Variants in GALNT14 observed in about 807,000 individuals in gnomAD.
GALNT14 encodes UDP-GalNAc:polypeptide N-acetylgalactosaminyltransferase 14.
GALNT14 carries 60 observed loss-of-function variants against 77.5 expected under a neutral mutation model. The ratio of observed to expected loss-of-function variants is 0.77; its 90% CI spans 0.63 to 0.96. The LOEUF (loss-of-function observed/expected upper bound fraction) is 0.96. Among genes scored for constraint, GALNT14 ranks in the 40% least tolerant of loss-of-function variants. The pLI is 0.00. For synonymous variants in GALNT14, 280 were observed against 281.7 expected (o/e 0.99, Z 0.06); for missense variants, 710 against 731.0 (o/e 0.97, Z 0.33).
intron 1 of GALNT14, among the ~76,000 whole-genome samples, chr2:31,053,978 C>T (rs184631086): frequency 1.3e-5 from 2 of 152,294 alleles, no homozygotes; most frequent in Admixed American, 1.3e-4. Flanking sequence ...TTAGGCAAAA[C>T]CCAAGGAAAG....
intron 1 of GALNT14, among the ~76,000 whole-genome samples, chr2:31,107,495 G>A (rs957114225): frequency 2.4e-4 from 37 of 152,210 alleles, no homozygotes; most frequent in Admixed American, 7.9e-4. Flanking sequence ...ATGGCATTTC[G>A]GAGTTTTCTA....
chr2:30,971,103 A>G (rs184397998), intron 2 of GALNT14, among the ~76,000 whole-genome samples: 4 of 152,268 alleles, frequency 2.6e-5, no homozygotes, highest in Non-Finnish European at 4.4e-5. Flanking sequence ...GCATGGGGAT[A>G]GGCAGCAACA....
At chr2:31,130,381 A>G (rs1678917058) in intron 1 of GALNT14, among the ~76,000 whole-genome samples, 1 of 152,186 alleles carries the variant, frequency 6.6e-6, no homozygotes, top group Non-Finnish European at 1.5e-5. Flanking sequence ...TACAGAGCAG[A>G]GGGCAGAGGG....
chr2:31,046,566 C>T lies in GALNT14; in HGVS notation c.130-53559G>A, dbSNP rs1296356385. Among the ~76,000 whole-genome samples, 4 of 152,050 alleles carry T rather than the reference C, an allele frequency of 2.6e-5. No individual in the cohort carries two copies. In the East Asian group the frequency reaches 7.7e-4, roughly 29 times the overall value. ...CTTAAAGTACTACACATATATACAT[C>T]CAGGCCCAAAATACTCTGTAGGGCA... On this transcript the variant is annotated intron_variant, in intron 1 of 14. Transcript: ENST00000349752.
chr2:31,008,620 TCTC>T (rs1351843700), intron 1 of GALNT14, among the ~76,000 whole-genome samples: 1 of 148,590 alleles, frequency 6.7e-6, no homozygotes, highest in Non-Finnish European at 1.5e-5. Context: ...TGTACCTTCT[TCTC>T]GCCTGCCTCC....
chr2:30,951,009 G>T (rs1666991991), intron 6 of GALNT14, among the ~76,000 whole-genome samples: 2 of 152,144 alleles, frequency 1.3e-5, no homozygotes, highest in South Asian at 2.1e-4. Flanking sequence ...CAGCCTGGGG[G>T]TCCCTGCAGG....
At chr2:30,887,195 T>C in the GALNT14 span, among the ~76,000 whole-genome samples, 1 of 152,232 alleles carries the variant, frequency 6.6e-6, no homozygotes, top group Non-Finnish European at 1.5e-5. Flanking sequence ...TGTTTGTGCA[T>C]GTATTTAAGT....
At chr2:30,930,658 T>C (rs1433655817) in intron 10 of GALNT14, among the ~76,000 whole-genome samples, 1 of 152,208 alleles carries the variant, frequency 6.6e-6, no homozygotes, top group African/African-American at 2.4e-5. Flanking sequence ...AAGGGGGTGC[T>C]CTTTCAGATG....
intron 1 of GALNT14, among the ~76,000 whole-genome samples, chr2:31,036,964 A>C (rs1573213996): frequency 6.6e-6 from 1 of 152,188 alleles, no homozygotes; most frequent in East Asian, 1.9e-4. Context: ...GTCTAGGTGA[A>C]AATTTCCCTG....
chr2:30,960,059 C>T (rs1667591647), intron 3 of GALNT14, among the ~76,000 whole-genome samples: 2 of 152,154 alleles, frequency 1.3e-5, no homozygotes, highest in South Asian at 4.2e-4. Flanking sequence ...ATTTATGAAG[C>T]CTTGATTCTC....
chr2:31,059,812 G>C (rs1558535328), intron 1 of GALNT14, among the ~76,000 whole-genome samples: 1 of 152,224 alleles, frequency 6.6e-6, no homozygotes, highest in Non-Finnish European at 1.5e-5. Flanking sequence ...CAGAAAGCAG[G>C]TCCTCACCGG....
chr2:30,945,549 T>G (rs1162934198), intron 7 of GALNT14, among the ~76,000 whole-genome samples: 1 of 152,164 alleles, frequency 6.6e-6, no homozygotes, highest in East Asian at 1.9e-4. Context: ...TTAAATGGGG[T>G]GAGCCCTATC....
At chr2:31,071,834 G>T (rs992812175) in intron 1 of GALNT14, among the ~76,000 whole-genome samples, 2 of 152,170 alleles carry the variant, frequency 1.3e-5, no homozygotes, top group African/African-American at 4.8e-5. Flanking sequence ...GAAAATGCAG[G>T]ATTCTTGCTC....
intron 1 of GALNT14, among the ~76,000 whole-genome samples, chr2:31,085,450 A>G (rs1251059290): frequency 2.0e-5 from 3 of 152,220 alleles, no homozygotes; most frequent in Non-Finnish European, 4.4e-5. Context: ...ACAACAAGGG[A>G]AGGTTAATCA....
the GALNT14 span, among the ~76,000 whole-genome samples, chr2:30,896,165 A>G: frequency 2.0e-5 from 3 of 152,218 alleles, no homozygotes; most frequent in African/African-American, 4.8e-5. Flanking sequence ...GAAATGCTAC[A>G]TCCCCTCTCC....
At chr2:31,126,848 T>G (rs1435753915) in intron 1 of GALNT14, 1 of 152,232 alleles carries the variant, frequency 6.6e-6, no homozygotes, top group African/African-American at 2.4e-5. Context: ...GCTTGTGCCA[T>G]AGCAGTTGCT....
At chr2:30,900,067 G>A in the GALNT14 span, among the ~76,000 whole-genome samples, 17 of 152,266 alleles carry the variant, frequency 1.1e-4, no homozygotes, top group African/African-American at 2.6e-4. Context: ...ACTCTATTAC[G>A]GGTAACTTTA....
chr2:31,095,391 C>T (rs957448866), intron 1 of GALNT14, among the ~76,000 whole-genome samples: 1 of 152,070 alleles, frequency 6.6e-6, no homozygotes, highest in Non-Finnish European at 1.5e-5. Flanking sequence ...ACTTTTTTCC[C>T]ACTCAGTAAT....
rs1679331182 is a variant in GALNT14 at position 31,138,410 on chromosome 2, C to T, written c.-324G>A. On this transcript the variant is annotated 5_prime_UTR_variant, in exon 1 of 15. Coordinates refer to ENST00000349752, the MANE Select transcript of GALNT14 (RefSeq NM_024572.4). Reference sequence around the variant, plus strand: ...ACCGCGGCTGCCGCCGCCGCCGCCGCCGCCTTGCCCGCTGCCGCCGATAGG... The same window carrying T: ...ACCGCGGCTGCCGCCGCCGCCGCCGTCGCCTTGCCCGCTGCCGCCGATAGG... 5.6e-6 allele frequency: 2 copies of T among 355,930 alleles called. No individual in the cohort carries two copies. Among genetic ancestry groups the T allele is most frequent in the South Asian group, 3.2e-5 (1 of 31,246 alleles). 22.0% of individuals were successfully genotyped at this position (355,930 alleles called of 1,614,324 possible).
Sources: allele counts gnomAD v4.1 joint callset (sites outside exome capture counted in the v4.1 genomes callset), GRCh38; gene constraint gnomAD v4.1.1; transcripts MANE v1.5; gene names NCBI Gene and HGNC (gene_info 2026-07-23, HGNC 2026-07-21).